The following GYS2 variants were observed in gnomAD, a reference collection of about 807,000 sequenced individuals.
The protein encoded by GYS2 is glycogen [starch] synthase, liver.
GYS2 carries 80 observed loss-of-function variants against 85.6 expected under a neutral mutation model. The observed-to-expected ratio is 0.93, with a 90% confidence interval of 0.78 to 1.13. GYS2 has a LOEUF of 1.13. Ranked by LOEUF, GYS2 falls within the 50% of genes most tolerant of loss-of-function variation. The pLI is 0.00. For synonymous variants in GYS2, 328 were observed against 300.7 expected, an observed-to-expected ratio of 1.09 and a Z score of -0.94; for missense variants, 881 against 854.9, an observed-to-expected ratio of 1.03 and a Z score of -0.38.
At position 21,600,450 on chromosome 12, in the gene GYS2, G is replaced by T. The variant is rs150433073; in HGVS notation, c.121+4022C>A. On this transcript the variant is annotated intron_variant, in intron 1 of 15. Coordinates refer to ENST00000261195, the MANE Select transcript of GYS2 (RefSeq NM_021957.4). ...GCCTTGATGGATCTTTAAAAGTGGT[G>T]GGGGGTAGGAGAAAAAGAGGAAGAA... 2.9e-3 allele frequency among the ~76,000 whole-genome samples: 442 copies of T among 152,122 alleles called. 2 individuals carry two copies. The highest frequency in any genetic ancestry group is 4.7e-3 in the Non-Finnish European group (318 of 67,962).
intron 15 of GYS2, 33 bp from the exon 16 acceptor site, chr12:21,537,208 C>T (rs1041655404): frequency 6.1e-6 from 9 of 1,484,378 alleles, no homozygotes; most frequent in Non-Finnish European, 7.5e-6. Flanking sequence ...ATAAACATCA[C>T]AACAGTTTCT....
At chr12:21,551,215 A>G (rs1944107198) in intron 11 of GYS2, among the ~76,000 whole-genome samples, 1 of 130,220 alleles carries the variant, frequency 7.7e-6, no homozygotes, top group Non-Finnish European at 1.5e-5. Flanking sequence ...CTGTGTCCAT[A>G]TGATCTCATT....
intron 5 of GYS2, among the ~76,000 whole-genome samples, chr12:21,567,929 T>C (rs1254615338): frequency 6.6e-6 from 1 of 151,848 alleles, no homozygotes; most frequent in South Asian, 2.1e-4. Flanking sequence ...AAAAATTAGC[T>C]GGGCGTGGTG....
chr12:21,533,028 G>A (rs537067208), downstream of GYS2: 6 of 152,284 alleles, frequency 3.9e-5, no homozygotes, highest in South Asian at 1.2e-3. Context: ...ATGAACAAGT[G>A]ATCATAGATC....
In GYS2 at chr12:21,574,290, G is replaced by C; in HGVS notation, c.532C>G (p.Gln178Glu). ...DHADGKYVVA[Q>E]FHEWQAGIGL... ...ATTCCAGCCTGCCATTCATGGAATT[G>C]GGCAACGACATATTTACCATCTGCA... Residue 178 changes from glutamine to glutamate, a missense_variant, in exon 4 of 16, where the codon CAA (glutamine) becomes GAA (glutamate). By Grantham distance (29) the Gln-to-Glu change is conservative. Transcript: ENST00000261195. The C allele has an allele frequency of 6.2e-7, 1 of 1,613,838 alleles. No homozygotes were observed. The highest frequency in any genetic ancestry group is 2.2e-5 in the East Asian group (1 of 44,878).
At chr12:21,588,654 G>C (rs1160703885) in intron 1 of GYS2, among the ~76,000 whole-genome samples, 1 of 152,232 alleles carries the variant, frequency 6.6e-6, no homozygotes, top group Non-Finnish European at 1.5e-5. Context: ...TCACAGTTCA[G>C]ATGTTATGTG....
At chr12:21,584,291 T>A (rs913222536) in intron 1 of GYS2, among the ~76,000 whole-genome samples, 2 of 150,680 alleles carry the variant, frequency 1.3e-5, no homozygotes, top group Non-Finnish European at 3.0e-5. Flanking sequence ...GGAAAATTGA[T>A]GACAAAGAAA....
At position 21,574,209 on chromosome 12, in the gene GYS2, G is replaced by A. The variant is rs752084874; in HGVS notation, c.613C>T (p.His205Tyr). The change falls in exon 4 of 16, where the codon CAC (histidine) becomes TAC (tyrosine). Residue 205 changes from histidine to tyrosine, a missense_variant. By Grantham distance (83) the His-to-Tyr change is moderately conservative. Coordinates refer to ENST00000261195, the MANE Select transcript of GYS2 (RefSeq NM_021957.4). ...AGATACCTCCCAAGTAGTGTAGCGT[G>A]GGTTGTAAATATTGTGGCAATAGGA... ...KLPIATIFTTHATLLGRYLCA... is the reference protein window; with the variant it reads ...KLPIATIFTTYATLLGRYLCA... 1.9e-6 allele frequency: 3 copies of A among 1,612,970 alleles called. No homozygotes were observed. Among genetic ancestry groups the A allele is most frequent in the Non-Finnish European group, 1.7e-6 (2 of 1,179,040 alleles).
downstream of GYS2, chr12:21,534,943 C>T (rs192152612): frequency 1.1e-4 from 17 of 152,320 alleles, no homozygotes; most frequent in East Asian, 1.3e-3. Context: ...AGACACAGAG[C>T]CTTCTACTAA....
At chr12:21,564,435 G>A (rs138716264) in intron 5 of GYS2, among the ~76,000 whole-genome samples, 18 of 149,490 alleles carry the variant, frequency 1.2e-4, no homozygotes, top group Non-Finnish European at 1.3e-4. Context: ...CATCTCAAAA[G>A]AAAAAAAAAA....
intron 1 of GYS2, among the ~76,000 whole-genome samples, chr12:21,590,151 C>T (rs1225895593): frequency 6.6e-6 from 1 of 152,146 alleles, no homozygotes; most frequent in Non-Finnish European, 1.5e-5. Context: ...CCACTGAAAG[C>T]AACACACCCC....
At chr12:21,553,075 G>C (rs1233926771) in intron 11 of GYS2, among the ~76,000 whole-genome samples, 1 of 152,106 alleles carries the variant, frequency 6.6e-6, no homozygotes, top group Non-Finnish European at 1.5e-5. Flanking sequence ...TTTGAGATGG[G>C]GTCCCACTCT....
Position 21,559,721 on chromosome 12 carries a change from CAGAA to C in GYS2, c.1170-15_1170-12del. The C allele has an allele frequency of 1.9e-6, 3 of 1,541,502 alleles. No homozygotes were observed. Among genetic ancestry groups the C allele is most frequent in the Non-Finnish European group, 2.7e-6 (3 of 1,114,150 alleles). On this transcript the variant is annotated splice_polypyrimidine_tract_variant and intron_variant, in intron 8 of 15. Coordinates refer to ENST00000261195, the MANE Select transcript of GYS2 (RefSeq NM_021957.4). ...GAATGTGCAACATCCCTGTTTGAAA[CAGAA>C]AGATTTATCATTTAAACAGTATGAC...
rs537924724 is a variant in GYS2 at position 21,566,814 on chromosome 12, A to C, written c.823+2051T>G. On this transcript the variant is annotated intron_variant, in intron 5 of 15. Transcript: ENST00000261195. ...TACTCAACATAAAATCATTTTTGGT[A>C]CTGAATACAGGCAGTTTGGCAAAAA... 7.9e-4 allele frequency among the ~76,000 whole-genome samples: 121 copies of C among 152,332 alleles called. 1 individual carries two copies. The South Asian group carries it at 0.011, about 14-fold the overall frequency.
chr12:21,592,098 C>T (rs1176663543), intron 1 of GYS2, among the ~76,000 whole-genome samples: 3 of 147,732 alleles, frequency 2.0e-5, no homozygotes, highest in South Asian at 2.1e-4. Context: ...AGAACTCAAA[C>T]GTTACCACTA....
At chr12:21,602,528 A>G (rs1348684700) in intron 1 of GYS2, among the ~76,000 whole-genome samples, 2 of 152,218 alleles carry the variant, frequency 1.3e-5, no homozygotes, top group East Asian at 1.9e-4. Context: ...ATCTCAAACC[A>G]TACCAGGCTA....
chr12:21,576,984 A>C (rs1050049976), intron 2 of GYS2, among the ~76,000 whole-genome samples: 2 of 152,140 alleles, frequency 1.3e-5, no homozygotes, highest in Admixed American at 1.3e-4. Context: ...AATATTGCTT[A>C]CATATTGACA....
At chr12:21,549,430 A>G (rs1390066828) in intron 11 of GYS2, among the ~76,000 whole-genome samples, 1 of 152,216 alleles carries the variant, frequency 6.6e-6, no homozygotes, top group Non-Finnish European at 1.5e-5. Context: ...ACACAAACAT[A>G]AAAGTCAGGA....
chr12:21,550,140 A>T (rs1944088775), intron 11 of GYS2, among the ~76,000 whole-genome samples: 1 of 152,200 alleles, frequency 6.6e-6, no homozygotes, highest in African/African-American at 2.4e-5. Context: ...TGACACAAGA[A>T]GTTCCAGGCT....
Sources: allele counts gnomAD v4.1 joint callset (sites outside exome capture counted in the v4.1 genomes callset), GRCh38; gene constraint gnomAD v4.1.1; transcripts MANE v1.5; gene names NCBI Gene and HGNC (gene_info 2026-07-23, HGNC 2026-07-21).